The following NIBAN1 variants were observed in gnomAD, a reference collection of about 807,000 sequenced individuals.
The protein encoded by NIBAN1 is protein Niban 1.
Under a neutral mutation model 75.1 loss-of-function variants are expected in NIBAN1, and 81 were observed. The ratio of observed to expected loss-of-function variants is 1.08; its 90% CI spans 0.90 to 1.30. NIBAN1 has a LOEUF of 1.30. Among genes scored for constraint, NIBAN1 ranks in the 50% most tolerant of loss-of-function variants. The pLI, the probability that NIBAN1 is intolerant of heterozygous loss-of-function variation, is 0.00. For missense variants in NIBAN1, 1,133 were observed against 1,128.1 expected, an observed-to-expected ratio of 1.00 and a Z score of -0.06; for synonymous variants, 436 against 424.8, an observed-to-expected ratio of 1.03 and a Z score of -0.32.
intron 1 of NIBAN1, among the ~76,000 whole-genome samples, chr1:184,963,115 T>A (rs1489701215): frequency 2.0e-5 from 3 of 152,010 alleles, no homozygotes; most frequent in African/African-American, 7.2e-5. Context: ...AAAATAAAAA[T>A]TTTTTAAAGA....
intron 5 of NIBAN1, among the ~76,000 whole-genome samples, chr1:184,842,708 G>T (rs571353863): frequency 2.5e-3 from 383 of 150,872 alleles, no homozygotes; most frequent in Non-Finnish European, 4.6e-3. Flanking sequence ...AGCCGAGATT[G>T]TGCCTTTGCA....
chr1:184,814,669 T>C (rs1391854533), intron 9 of NIBAN1, among the ~76,000 whole-genome samples: 2 of 152,344 alleles, frequency 1.3e-5, no homozygotes, highest in East Asian at 3.9e-4. Flanking sequence ...ATATCCAATG[T>C]TTTAAACCTG....
chr1:184,945,579 T>A (rs1431173963), intron 1 of NIBAN1, among the ~76,000 whole-genome samples: 2 of 152,166 alleles, frequency 1.3e-5, no homozygotes. Flanking sequence ...TAGCCCTAGG[T>A]CAAAGAGTAG....
chr1:184,868,710 C>T (rs1656021060), intron 5 of NIBAN1, among the ~76,000 whole-genome samples: 1 of 147,210 alleles, frequency 6.8e-6, no homozygotes, highest in South Asian at 2.2e-4. Context: ...ATCATCTGTT[C>T]CTGAATAAGG....
Position 184,795,012 on chromosome 1 carries a change from G to A in NIBAN1, c.2752C>T (p.Gln918Ter). The A allele has an allele frequency of 6.2e-7, 1 of 1,612,534 alleles. No homozygotes were observed. The change falls in exon 14 of 14, where the codon CAG becomes TAG. Residue 918 changes from glutamine (Q) to a stop codon, truncating the protein, a stop_gained. Transcript: ENST00000367511. LOFTEE classifies it high-confidence loss of function. ...GAGGGCAGCTCTGGGAAACTCTCCT[G>A]ACCACCTTCTCCCTCCTTCACGTCA... ...KDDVKEGEGG[Q>*]ESFPELPSEE
At chr1:184,966,159 A>T (rs532955238) in intron 1 of NIBAN1, among the ~76,000 whole-genome samples, 5 of 152,358 alleles carry the variant, frequency 3.3e-5, no homozygotes, top group Non-Finnish European at 7.3e-5. Flanking sequence ...ATAGGTGTTC[A>T]TGCCTGTGTG....
intron 1 of NIBAN1, among the ~76,000 whole-genome samples, chr1:184,915,454 A>C (rs553836627): frequency 6.6e-6 from 1 of 152,348 alleles, no homozygotes; most frequent in South Asian, 2.1e-4. Flanking sequence ...GTATCAAAGT[A>C]CCAACTTCAA....
intron 5 of NIBAN1, among the ~76,000 whole-genome samples, chr1:184,838,771 G>T (rs1460221517): frequency 6.6e-6 from 1 of 152,120 alleles, no homozygotes; most frequent in Non-Finnish European, 1.5e-5. Context: ...TCTGCCTCTG[G>T]CTGTGGTGTT....
intron 1 of NIBAN1, among the ~76,000 whole-genome samples, chr1:184,921,487 A>C (rs1283978337): frequency 1.3e-5 from 2 of 152,198 alleles, no homozygotes; most frequent in African/African-American, 2.4e-5. Context: ...ATCACTGGGT[A>C]GTAGGCCCAT....
At chr1:184,912,734 A>AT (rs1391865443) in intron 1 of NIBAN1, among the ~76,000 whole-genome samples, 8 of 152,232 alleles carry the variant, frequency 5.3e-5, no homozygotes, top group African/African-American at 1.9e-4. Flanking sequence ...CAATGCTGGC[A>AT]TTTTTATCAG....
chr1:184,794,376 C>T lies in NIBAN1; in HGVS notation c.*601G>A, dbSNP rs1185697016. ...TGAGTAACAGGCCCAGACAGTCCCA[C>T]AGATCACACCTTCCACCCTCCATTT... On this transcript the variant is annotated 3_prime_UTR_variant, in exon 14 of 14. Coordinates refer to ENST00000367511, the MANE Select transcript of NIBAN1 (RefSeq NM_052966.4). The T allele has an allele frequency of 6.4e-6, 1 of 156,456 alleles. No individual in the cohort carries two copies. The highest frequency in any genetic ancestry group is 1.4e-5 in the Non-Finnish European group (1 of 70,968). 9.7% of individuals were successfully genotyped at this position (156,456 alleles called of 1,614,324 possible). A position where few individuals can be genotyped will look rare whatever the true frequency, so the allele number is the denominator to read the frequency against.
chr1:184,965,884 A>G (rs1295408775), intron 1 of NIBAN1, among the ~76,000 whole-genome samples: 1 of 152,238 alleles, frequency 6.6e-6, no homozygotes, highest in Non-Finnish European at 1.5e-5. Flanking sequence ...AAAATACAGG[A>G]GAAATGTGTG....
chr1:184,934,658 A>G (rs956068593), intron 1 of NIBAN1, among the ~76,000 whole-genome samples: 1 of 152,180 alleles, frequency 6.6e-6, no homozygotes, highest in African/African-American at 2.4e-5. Context: ...GCACTTTGGG[A>G]GGCTGAGGCG....
intron 1 of NIBAN1, among the ~76,000 whole-genome samples, chr1:184,966,637 T>A (rs1658791533): frequency 6.6e-6 from 1 of 152,240 alleles, no homozygotes; most frequent in African/African-American, 2.4e-5. Flanking sequence ...CCTCCTTTGA[T>A]GACTAGTGAA....
intron 1 of NIBAN1, among the ~76,000 whole-genome samples, chr1:184,965,229 T>C (rs985594808): frequency 3.3e-5 from 5 of 151,848 alleles, no homozygotes; most frequent in Admixed American, 6.6e-5. Flanking sequence ...AACCCGGGAA[T>C]TGGAGCTTGC....
intron 1 of NIBAN1, among the ~76,000 whole-genome samples, chr1:184,944,242 T>G (rs922149143): frequency 2.0e-5 from 3 of 152,238 alleles, no homozygotes; most frequent in Non-Finnish European, 2.9e-5. Context: ...TCCATCTTTC[T>G]GGTGACTAGT....
At chr1:184,912,705 G>A (rs1571568366) in intron 1 of NIBAN1, among the ~76,000 whole-genome samples, 1 of 152,120 alleles carries the variant, frequency 6.6e-6, no homozygotes, top group Non-Finnish European at 1.5e-5. Context: ...GGTGAATTAT[G>A]TCAAGTCCTA....
At position 184,794,501 on chromosome 1, in the gene NIBAN1, C is replaced by T. The variant is rs1653782307; in HGVS notation, c.*476G>A. The T allele has an allele frequency of 4.2e-6, 1 of 240,814 alleles. No individual in the cohort carries two copies. Among genetic ancestry groups the T allele is most frequent in the Non-Finnish European group, 8.2e-6 (1 of 121,948 alleles). 14.9% of individuals were successfully genotyped at this position (240,814 alleles called of 1,614,324 possible). A position where few individuals can be genotyped will look rare whatever the true frequency, so the allele number is the denominator to read the frequency against. Reference sequence around the variant, plus strand: ...TGACCTACCCTCTCTTGCAGTCTGACTGTGGACAAATGCCGAGTCCTTAAG... The same window carrying T: ...TGACCTACCCTCTCTTGCAGTCTGATTGTGGACAAATGCCGAGTCCTTAAG... On this transcript the variant is annotated 3_prime_UTR_variant, in exon 14 of 14. Coordinates refer to ENST00000367511, the MANE Select transcript of NIBAN1 (RefSeq NM_052966.4).
intron 1 of NIBAN1, among the ~76,000 whole-genome samples, chr1:184,971,980 A>G (rs1400956930): frequency 3.9e-5 from 6 of 152,224 alleles, no homozygotes; most frequent in Admixed American, 2.0e-4. Flanking sequence ...CATATGACAC[A>G]GATGTTTTGA....
Sources: gnomAD v4.1 joint callset for allele counts (sites outside exome capture counted in the v4.1 genomes callset) on GRCh38, gnomAD v4.1.1 for gene constraint, MANE v1.5 for transcripts, NCBI Gene and HGNC (gene_info 2026-07-23, HGNC 2026-07-21) for gene names.